The following DUSP14 variants were observed in gnomAD, a reference collection of about 807,000 sequenced individuals.
DUSP14 encodes the protein dual specificity phosphatase 14.
Under a neutral mutation model 13.2 loss-of-function variants are expected in DUSP14, and 5 were observed. The observed-to-expected ratio is 0.38, with a 90% CI of 0.20 to 0.80. The LOEUF (loss-of-function observed/expected upper bound fraction) is 0.80. Ranked by LOEUF, DUSP14 falls within the 30% of genes least tolerant of loss-of-function variation. The pLI is 0.44. For missense variants in DUSP14, 185 were observed against 264.0 expected (o/e 0.70, Z 2.07); for synonymous variants, 91 against 103.4 (o/e 0.88, Z 0.73).
At chr17:37,502,091 C>T (rs1190052762) in intron 1 of DUSP14, among the ~76,000 whole-genome samples, 1 of 152,150 alleles carries the variant, frequency 6.6e-6, no homozygotes, top group Admixed American at 6.5e-5. Flanking sequence ...TATATCCCTG[C>T]TCTAGTTACT....
At chr17:37,509,150 C>T (rs867827633) in intron 1 of DUSP14, among the ~76,000 whole-genome samples, 2,953 of 51,148 alleles carry the variant, frequency 0.058, 543 homozygotes, top group East Asian at 0.35. Context: ...CACACACACA[C>T]ACACACACAC....
At chr17:37,511,034 A>G (rs2054181198) in intron 2 of DUSP14, among the ~76,000 whole-genome samples, 1 of 152,030 alleles carries the variant, frequency 6.6e-6, no homozygotes, top group Non-Finnish European at 1.5e-5. Flanking sequence ...ATATATTGAC[A>G]TTTAATAGCA....
intron 1 of DUSP14, among the ~76,000 whole-genome samples, chr17:37,507,762 C>T (rs1198071151): frequency 2.0e-5 from 3 of 152,066 alleles, no homozygotes; most frequent in Non-Finnish European, 4.4e-5. Context: ...AATTAGACAA[C>T]AACTAGATAA....
intron 1 of DUSP14, among the ~76,000 whole-genome samples, chr17:37,507,821 G>A (rs1024250700): frequency 1.3e-5 from 2 of 152,144 alleles, no homozygotes; most frequent in Non-Finnish European, 2.9e-5. Flanking sequence ...ACAATGAGGA[G>A]CGTCATCCCC....
intron 1 of DUSP14, among the ~76,000 whole-genome samples, chr17:37,509,030 T>G (rs1411083321): frequency 7.3e-6 from 1 of 136,390 alleles, no homozygotes; most frequent in Non-Finnish European, 1.5e-5. Context: ...AGTGAGCTGT[T>G]GATAACCCAG....
chr17:37,501,963 T>G (rs554036906), intron 1 of DUSP14, among the ~76,000 whole-genome samples: 1 of 152,226 alleles, frequency 6.6e-6, no homozygotes, highest in Non-Finnish European at 1.5e-5. Context: ...ACCAGTTGTT[T>G]CGTTCACTCA....
At position 37,495,935 on chromosome 17, in the gene DUSP14, G is replaced by C. The variant is rs1219260815; in HGVS notation, c.-181+5977G>C. Among the ~76,000 whole-genome samples the C allele has an allele frequency of 2.0e-5, 3 of 152,156 alleles. No homozygotes were observed. In the East Asian group the frequency reaches 5.8e-4, roughly 29 times the overall value. On this transcript the variant is annotated intron_variant, in intron 1 of 2. Transcript: ENST00000617516. ...GGACCCCCAAAGTGCTGGGATTACAGGCATGAGCCACCGCGCCCAGCCTGC... is the reference window on the plus strand; with the variant it reads ...GGACCCCCAAAGTGCTGGGATTACACGCATGAGCCACCGCGCCCAGCCTGC...
intron 1 of DUSP14, among the ~76,000 whole-genome samples, chr17:37,507,004 C>T (rs959537047): frequency 1.1e-4 from 16 of 152,204 alleles, no homozygotes; most frequent in Admixed American, 3.3e-4. Flanking sequence ...GAGAACACAG[C>T]CACGATTTAG....
Position 37,490,150 on chromosome 17 carries a change from G to A in DUSP14, c.-181+192G>A, listed in dbSNP as rs1283938486. Among the ~76,000 whole-genome samples, 4 of 151,120 alleles carry A rather than the reference G, an allele frequency of 2.6e-5. No individual in the cohort carries two copies. In the South Asian group the frequency reaches 6.3e-4, roughly 24 times the overall value. ...TCCTTGACTCTTCGGGGCGGCCCGC[G>A]GAGGAGAGGCCCGAGACCTTCCGCA... On this transcript the variant is annotated intron_variant, in intron 1 of 2. Coordinates refer to ENST00000617516, the MANE Select transcript of DUSP14 (RefSeq NM_007026.4).
chr17:37,509,125 A>G (rs1220478266), intron 1 of DUSP14, among the ~76,000 whole-genome samples: 1 of 40,004 alleles, frequency 2.5e-5, no homozygotes, highest in African/African-American at 1.2e-4. Context: ...ATATATATAT[A>G]TATACACACA....
chr17:37,503,455 G>A (rs1011887644), intron 1 of DUSP14, among the ~76,000 whole-genome samples: 8 of 152,116 alleles, frequency 5.3e-5, no homozygotes, highest in African/African-American at 1.9e-4. Context: ...AGGTTACATT[G>A]TAAGAATGTC....
chr17:37,500,535 C>G (rs1353052508), intron 1 of DUSP14, among the ~76,000 whole-genome samples: 1 of 152,192 alleles, frequency 6.6e-6, no homozygotes, highest in Non-Finnish European at 1.5e-5. Context: ...GTAACTTTGA[C>G]AGTTTTGAGG....
rs555042111 is a variant in DUSP14 at position 37,502,631 on chromosome 17, A to G, written c.-180-8046A>G. 1.8e-4 allele frequency among the ~76,000 whole-genome samples: 27 copies of G among 152,222 alleles called. No homozygotes were observed. In the South Asian group the frequency reaches 5.6e-3, roughly 32 times the overall value. On this transcript the variant is annotated intron_variant, in intron 1 of 2. Transcript: ENST00000617516. ...GGGGGTGACTTGATGGCTGGGAGCT[A>G]TAATCATAATAAAGTATCTCTACTT...
intron 1 of DUSP14, among the ~76,000 whole-genome samples, chr17:37,494,056 C>G (rs1044440730): frequency 6.6e-6 from 1 of 150,392 alleles, no homozygotes; most frequent in Admixed American, 6.6e-5. Context: ...TGCAGTGGCG[C>G]GATCTCGGCT....
chr17:37,506,916 C>T (rs2054141651), intron 1 of DUSP14, among the ~76,000 whole-genome samples: 1 of 152,072 alleles, frequency 6.6e-6, no homozygotes, highest in African/African-American at 2.4e-5. Context: ...ACTGAAACAC[C>T]TTCTTAGGCA....
chr17:37,509,141 A>ATGTATG lies in DUSP14; in HGVS notation c.-180-1536_-180-1535insTGTATG, dbSNP rs1568204483. ...TATATATATATATACACACACACAC[A>ATGTATG]CACACACACACACACACACACACAC... On this transcript the variant is annotated intron_variant, in intron 1 of 2. Transcript: ENST00000617516. Among the ~76,000 whole-genome samples, 2 of 65,982 alleles carry ATGTATG rather than the reference A, an allele frequency of 3.0e-5. 1 individual carries two copies. The highest frequency in any genetic ancestry group is 1.4e-4 in the African/African-American group (2 of 14,034). The allele number at this position is 65,982 out of a possible 152,430, so 43.3% of individuals were successfully genotyped here. A position where few individuals can be genotyped will look rare whatever the true frequency, so the allele number is the denominator to read the frequency against.
At chr17:37,500,137 CTAGCGTGG>C (rs1489094118) in intron 1 of DUSP14, among the ~76,000 whole-genome samples, 1 of 152,210 alleles carries the variant, frequency 6.6e-6, no homozygotes, top group Non-Finnish European at 1.5e-5. Flanking sequence ...CTCGGAAACT[CTAGCGTGG>C]TAATTATAGG....
At chr17:37,510,455 T>C (rs1475399977) in intron 1 of DUSP14, 1 of 152,186 alleles carries the variant, frequency 6.6e-6, no homozygotes, top group East Asian at 1.9e-4. Flanking sequence ...TTGTCAAAAC[T>C]CTTATTTGTC....
At chr17:37,509,565 A>G (rs1162544832) in intron 1 of DUSP14, among the ~76,000 whole-genome samples, 1 of 151,496 alleles carries the variant, frequency 6.6e-6, no homozygotes, top group Non-Finnish European at 1.5e-5. Flanking sequence ...CAAGTGATCC[A>G]CCCGCCTCGG....
Sources: gnomAD v4.1 joint callset for allele counts (sites outside exome capture counted in the v4.1 genomes callset) on GRCh38, gnomAD v4.1.1 for gene constraint, MANE v1.5 for transcripts, NCBI Gene and HGNC (gene_info 2026-07-23, HGNC 2026-07-21) for gene names.